NTM: variants seen among roughly 807,000 people sequenced by gnomAD.
The protein encoded by NTM is IgLON family member 2.
In NTM, 13 loss-of-function variants were observed where a neutral mutation model predicts 42.1. The observed-to-expected ratio is 0.31, with a 90% CI of 0.20 to 0.49. The LOEUF (loss-of-function observed/expected upper bound fraction) is 0.49. Among genes scored for constraint, NTM ranks in the 20% least tolerant of loss-of-function variants. NTM has a pLI of 0.99. For synonymous variants in NTM, 187 were observed against 179.2 expected (o/e 1.04, Z -0.35); for missense variants, 373 against 452.8 (o/e 0.82, Z 1.60).
At chr11:132,096,169 T>G (rs558049193) in intron 2 of NTM, among the ~76,000 whole-genome samples, 5 of 152,238 alleles carry the variant, frequency 3.3e-5, no homozygotes, top group African/African-American at 1.2e-4. Context: ...TAGTCTTTTT[T>G]CCCCCCTTGA....
At chr11:132,143,570 A>ACC (rs1348046873) in intron 2 of NTM, among the ~76,000 whole-genome samples, 2 of 152,150 alleles carry the variant, frequency 1.3e-5, no homozygotes, top group Non-Finnish European at 2.9e-5. Context: ...CAATAAGTGA[A>ACC]CCCAACCAAG....
chr11:131,414,611 C>T (rs1287612629), intron 1 of NTM, among the ~76,000 whole-genome samples: 1 of 152,166 alleles, frequency 6.6e-6, no homozygotes, highest in Non-Finnish European at 1.5e-5. Flanking sequence ...GATGCATATA[C>T]CATGGTCTCC....
At chr11:131,716,388 C>T (rs2077690736) in intron 1 of NTM, among the ~76,000 whole-genome samples, 1 of 152,134 alleles carries the variant, frequency 6.6e-6, no homozygotes, top group South Asian at 2.1e-4. Context: ...GAGTTACTAC[C>T]TAGGAGTGGA....
At chr11:131,639,957 AAAAATAAAAATAAAAATAAATAAT>A (rs2064923743) in intron 1 of NTM, among the ~76,000 whole-genome samples, 1 of 151,336 alleles carries the variant, frequency 6.6e-6, no homozygotes, top group African/African-American at 2.4e-5. Flanking sequence ...CTCCGTGTCA[AAAAATAAAAATAAAAATAAATAAT>A]AAAATAAAAA....
intron 1 of NTM, chr11:131,910,106 T>C (rs913231989): frequency 6.6e-6 from 1 of 152,240 alleles, no homozygotes; most frequent in Non-Finnish European, 1.5e-5. Context: ...AGAATGGTAG[T>C]GTTGAGTCTC....
intron 7 of NTM, among the ~76,000 whole-genome samples, chr11:132,326,262 T>G (rs2095680812): frequency 6.6e-6 from 1 of 152,126 alleles, no homozygotes; most frequent in South Asian, 2.1e-4. Flanking sequence ...TGGCTATGCT[T>G]TCAGAAGGAC....
chr11:131,527,753 T>C (rs1351570342), intron 1 of NTM, among the ~76,000 whole-genome samples: 3 of 152,160 alleles, frequency 2.0e-5, no homozygotes, highest in Non-Finnish European at 4.4e-5. Flanking sequence ...TTTTAACTAG[T>C]GTTCTTAGTA....
At chr11:131,421,186 ATC>A (rs1947480266) in intron 1 of NTM, among the ~76,000 whole-genome samples, 1 of 152,224 alleles carries the variant, frequency 6.6e-6, no homozygotes, top group Non-Finnish European at 1.5e-5. Flanking sequence ...TATGTCCTGT[ATC>A]TGGCTGCAAT....
chr11:131,714,734 A>C (rs1208110807), intron 1 of NTM, among the ~76,000 whole-genome samples: 2 of 152,100 alleles, frequency 1.3e-5, no homozygotes, highest in Non-Finnish European at 2.9e-5. Context: ...CCATCTCTTC[A>C]TGTACAGTTG....
intron 1 of NTM, among the ~76,000 whole-genome samples, chr11:131,625,597 A>G: frequency 6.6e-6 from 1 of 152,044 alleles, no homozygotes. Context: ...AATAACATAC[A>G]TATAGCCTGG....
intron 8 of NTM, among the ~76,000 whole-genome samples, chr11:132,330,518 G>A (rs868014715): frequency 6.6e-6 from 1 of 152,128 alleles, no homozygotes; most frequent in South Asian, 2.1e-4. Context: ...CTAATGCAGC[G>A]ATCTTCTCAG....
chr11:131,631,357 C>T (rs1288863773), intron 1 of NTM, among the ~76,000 whole-genome samples: 1 of 152,194 alleles, frequency 6.6e-6, no homozygotes, highest in African/African-American at 2.4e-5. Context: ...TTCAATCAAC[C>T]TAACTTGTCA....
intron 2 of NTM, among the ~76,000 whole-genome samples, chr11:132,117,316 G>T (rs10750498): frequency 0.36 from 55,447 of 151,982 alleles, 10,527 homozygotes; most frequent in African/African-American, 0.45. Flanking sequence ...AGTTTGAAAA[G>T]GTTAGAAAAG....
At chr11:131,977,184 T>C (rs184754812) in intron 2 of NTM, among the ~76,000 whole-genome samples, 5 of 152,362 alleles carry the variant, frequency 3.3e-5, no homozygotes, top group Admixed American at 1.3e-4. Context: ...CAGTGCCATT[T>C]GGTAAAGTTG....
At chr11:131,447,430 G>A (rs1392577620) in intron 1 of NTM, among the ~76,000 whole-genome samples, 1 of 152,104 alleles carries the variant, frequency 6.6e-6, no homozygotes, top group Non-Finnish European at 1.5e-5. Context: ...CGAAATCCCT[G>A]CTCTAATTTC....
intron 1 of NTM, among the ~76,000 whole-genome samples, chr11:131,479,348 A>C (rs931692255): frequency 2.0e-5 from 3 of 152,300 alleles, no homozygotes; most frequent in Middle Eastern, 3.4e-3. Flanking sequence ...CACATGTATA[A>C]AATTTGAGAA....
chr11:131,684,957 C>T (rs762393116), intron 1 of NTM, among the ~76,000 whole-genome samples: 7 of 152,232 alleles, frequency 4.6e-5, no homozygotes, highest in African/African-American at 7.2e-5. Flanking sequence ...TGAATCTGTT[C>T]TGTGGACGCT....
chr11:131,814,555 TAAAA>T (rs1235513120), intron 1 of NTM, among the ~76,000 whole-genome samples: 2 of 151,926 alleles, frequency 1.3e-5, no homozygotes, highest in African/African-American at 2.4e-5. Flanking sequence ...GAAAAAAAAA[TAAAA>T]GAAAGAAAAT....
rs76396124 is a variant in NTM, at chr11:131,724,469, A to C, written c.83-187095A>C. ...TCAAGTCATGTACACATTTCTTTAA[A>C]GAACACAATGTGGTTTTATTATACC... On this transcript the variant is annotated intron_variant, in intron 1 of 8. Coordinates refer to ENST00000683400, the MANE Select transcript of NTM (RefSeq NM_001352005.2). Among the ~76,000 whole-genome samples the C allele has an allele frequency of 3.4e-3, 516 of 152,284 alleles. 4 individuals carry two copies. The highest frequency in any genetic ancestry group is 0.011 in the African/African-American group (478 of 41,570).
Sources: allele counts gnomAD v4.1 joint callset (sites outside exome capture counted in the v4.1 genomes callset), GRCh38; gene constraint gnomAD v4.1.1; transcripts MANE v1.5; gene names NCBI Gene and HGNC (gene_info 2026-07-23, HGNC 2026-07-21).